Variants in LRRC8A observed in about 807,000 individuals in gnomAD.
The protein encoded by LRRC8A is volume-regulated anion channel subunit LRRC8A.
A neutral mutation model predicts 52.5 loss-of-function variants in LRRC8A; 24 were observed. The observed-to-expected ratio is 0.46, with a 90% CI of 0.33 to 0.64. The LOEUF is 0.64. Ranked by LOEUF, LRRC8A falls within the 30% of genes least tolerant of loss-of-function variation. The probability of loss-of-function intolerance (pLI) is 0.02; values close to 1 mark genes in which losing one functional copy is unlikely to be tolerated. For missense variants in LRRC8A, 677 were observed against 1,094.7 expected, an observed-to-expected ratio of 0.62 and a Z score of 5.38; for synonymous variants, 492 against 494.2, an observed-to-expected ratio of 1.00 and a Z score of 0.06.
At chr9:128,906,316 A>AT (rs71383620) in intron 2 of LRRC8A, among the ~76,000 whole-genome samples, 64,149 of 80,746 alleles carry the variant, frequency 0.79, 25,363 homozygotes, top group South Asian at 0.86. Context: ...CCCATGTGGA[A>AT]TTTTTTTTTT....
In LRRC8A at chr9:128,918,006, C is replaced by T. The variant is rs1054178545; in HGVS notation, c.*1635C>T. ...ACATGTGGGTCTGAACTTGTAGACT[C>T]GGTCACAGTATCAAATAAAATCTAT... On this transcript the variant is annotated 3_prime_UTR_variant, in exon 4 of 4. Coordinates refer to ENST00000372600, the MANE Select transcript of LRRC8A (RefSeq NM_019594.4). 1.3e-5 allele frequency: 2 copies of T among 152,584 alleles called. No individual in the cohort carries two copies. Among genetic ancestry groups the T allele is most frequent in the Non-Finnish European group, 2.9e-5 (2 of 68,034 alleles). 9.5% of individuals were successfully genotyped at this position (152,584 alleles called of 1,614,324 possible).
Position 128,916,073 on chromosome 9 carries a change from C to G in LRRC8A, c.2158-23C>G, listed in dbSNP as rs552348824. 7.6e-6 allele frequency: 12 copies of G among 1,583,476 alleles called. No individual in the cohort carries two copies. Among genetic ancestry groups the G allele is most frequent in the African/African-American group, 1.3e-5 (1 of 74,624 alleles). ...TCCAAGCCCACACCCACCTCACTCT[C>G]ACCCCTGCTTTTTTCCCTCCAGATC... On this transcript the variant is annotated intron_variant, in intron 3 of 3. Coordinates refer to ENST00000372600, the MANE Select transcript of LRRC8A (RefSeq NM_019594.4). The surrounding 1 kb of genome is among the most constrained non-coding windows in gnomAD (Gnocchi z 6.1).
chr9:128,883,016 A>G, intron 1 of LRRC8A: 1 of 371,136 alleles, frequency 2.7e-6, no homozygotes, highest in South Asian at 1.5e-4. Flanking sequence ...CTTCCCCTTG[A>G]TCTGGACCGG....
At position 128,908,414 on chromosome 9, in the gene LRRC8A, G is replaced by A. The variant is rs746556593; in HGVS notation, c.1250G>A (p.Arg417Gln). 4.7e-5 allele frequency: 76 copies of A among 1,613,434 alleles called. No homozygotes were observed. Among genetic ancestry groups the A allele is most frequent in the East Asian group, 8.9e-5 (4 of 44,892 alleles). ...LNNEWTLDKL[R>Q]QRLTKNAQDK... The stretch of plus-strand genomic sequence containing the variant: ...AACGAGTGGACGCTGGACAAGCTCC[G>A]GCAGCGGCTCACCAAGAACGCGCAG... The change falls in exon 3 of 4, where the codon CGG becomes CAG. Residue 417 changes from arginine to glutamine, a missense_variant. Physicochemically the swap from Arg to Gln is conservative, Grantham distance 43 (BLOSUM62 1). Around this residue, in one of 4 missense-constraint regions of LRRC8A, gnomAD observed 422 missense variants for 741.5 expected, o/e 0.57. Coordinates refer to ENST00000372600, the MANE Select transcript of LRRC8A (RefSeq NM_019594.4).
rs1303702932 is a variant in LRRC8A at position 128,907,091 on chromosome 9, C to G, written c.-8-66C>G. On this transcript the variant is annotated intron_variant, in intron 2 of 3. Coordinates refer to ENST00000372600, the MANE Select transcript of LRRC8A (RefSeq NM_019594.4). The surrounding 1 kb of genome is among the most constrained non-coding windows in gnomAD (Gnocchi z 9.3). The stretch of plus-strand genomic sequence containing the variant: ...GAAGAATTTTCATTGTCTTCTTCCC[C>G]TGACCCCTGGTCCTAGGAAAGCCAG... The G allele has an allele frequency of 2.3e-6, 3 of 1,280,720 alleles. No individual in the cohort carries two copies. In the African/African-American group the frequency reaches 4.4e-5, roughly 19 times the overall value. 79.3% of individuals were successfully genotyped at this position (1,280,720 alleles called of 1,614,324 possible).
In LRRC8A at chr9:128,899,155, T is replaced by G. The variant is rs963059174; in HGVS notation, c.-8-8002T>G. On this transcript the variant is annotated intron_variant, in intron 2 of 3. Coordinates refer to ENST00000372600, the MANE Select transcript of LRRC8A (RefSeq NM_019594.4). This position sits in a 1 kb window ranked among gnomAD's most constrained non-coding sequence, Gnocchi z 4.0. ...ATTTTTTACACAACATGGACACATG[T>G]TTAACAGGTTTGCTGCTCCTTTCTA... Among the ~76,000 whole-genome samples the G allele has an allele frequency of 6.6e-6, 1 of 152,108 alleles. No homozygotes were observed. The highest frequency in any genetic ancestry group is 1.5e-5 in the Non-Finnish European group (1 of 68,010).
At chr9:128,895,228 A>C (rs1158567043) in intron 2 of LRRC8A, among the ~76,000 whole-genome samples, 4 of 152,118 alleles carry the variant, frequency 2.6e-5, no homozygotes, top group Non-Finnish European at 5.9e-5. Flanking sequence ...CCTGATTTAA[A>C]GTTGTAGAAG....
intron 2 of LRRC8A, among the ~76,000 whole-genome samples, chr9:128,906,377 C>T (rs7028649): frequency 0.017 from 2,095 of 125,274 alleles, 41 homozygotes; most frequent in African/African-American, 0.054. Flanking sequence ...GGCTGGAGTG[C>T]AATGGCACAA....
chr9:128,890,993 A>T (rs1588200211), intron 2 of LRRC8A, among the ~76,000 whole-genome samples: 1 of 150,406 alleles, frequency 6.6e-6, no homozygotes, highest in East Asian at 2.0e-4. Flanking sequence ...CAAAAATAAA[A>T]AAAAAATTAG....
At chr9:128,903,474 G>A (rs1464545790) in intron 2 of LRRC8A, among the ~76,000 whole-genome samples, 4 of 149,942 alleles carry the variant, frequency 2.7e-5, no homozygotes, top group Middle Eastern at 3.4e-3. Flanking sequence ...GTGCAGTGGC[G>A]TGATCTCGGC....
chr9:128,915,519 G>T (rs1228212118), intron 3 of LRRC8A, among the ~76,000 whole-genome samples: 1 of 152,084 alleles, frequency 6.6e-6, no homozygotes, highest in Admixed American at 6.6e-5. Context: ...TAGAGACGGG[G>T]TTTCACCGTG....
chr9:128,911,068 G>A lies in LRRC8A; in HGVS notation c.2157+1747G>A, dbSNP rs961009050. The stretch of plus-strand genomic sequence containing the variant: ...ATAGCATCCTCAGGCACGGAGGGAG[G>A]TGGCCCCTGGAATGCCCGGTCTGTC... On this transcript the variant is annotated intron_variant, in intron 3 of 3. Coordinates refer to ENST00000372600, the MANE Select transcript of LRRC8A (RefSeq NM_019594.4). The surrounding 1 kb of genome is among the most constrained non-coding windows in gnomAD (Gnocchi z 4.9). 4.1e-4 allele frequency among the ~76,000 whole-genome samples: 62 copies of A among 152,238 alleles called. No homozygotes were observed. The highest frequency in any genetic ancestry group is 1.4e-3 in the African/African-American group (58 of 41,526).
chr9:128,915,023 T>C (rs1840746311), intron 3 of LRRC8A, among the ~76,000 whole-genome samples: 1 of 152,234 alleles, frequency 6.6e-6, no homozygotes, highest in Admixed American at 6.5e-5. Context: ...TCAGCGTCTT[T>C]GGGCCTCAGT....
intron 2 of LRRC8A, among the ~76,000 whole-genome samples, chr9:128,904,997 CAAAAAAAAAAAA>C (rs770042979): frequency 6.7e-5 from 2 of 29,846 alleles, no homozygotes; most frequent in South Asian, 1.0e-3. Context: ...GACTCCGTCT[CAAAAAAAAAAAA>C]AAAAAAAAAA....
intron 3 of LRRC8A, among the ~76,000 whole-genome samples, chr9:128,913,531 G>C (rs942074740): frequency 6.6e-6 from 1 of 152,060 alleles, no homozygotes; most frequent in Non-Finnish European, 1.5e-5. Flanking sequence ...TGGGAGCCGA[G>C]CAACTGAGAG....
rs1270271844 is a variant in LRRC8A, at chr9:128,907,787, C to T, written c.623C>T (p.Thr208Ile). Reference protein sequence around the residue: ...SSTVSEDVEATVPMLQRTKSR... With the variant: ...SSTVSEDVEAIVPMLQRTKSR... ...ACCGTCAGTGAGGACGTGGAGGCCA[C>T]CGTGCCCATGCTGCAGCGGACCAAG... Residue 208 changes from threonine (T) to isoleucine (I), a missense_variant, in exon 3 of 4, where the codon ACC (threonine) becomes ATC (isoleucine). By Grantham distance (89) the Thr-to-Ile change is moderately conservative (BLOSUM62 -1). Around this residue, in one of 4 missense-constraint regions of LRRC8A, gnomAD observed 422 missense variants for 741.5 expected, o/e 0.57. Coordinates refer to ENST00000372600, the MANE Select transcript of LRRC8A (RefSeq NM_019594.4). This position sits in a 1 kb window ranked among gnomAD's most constrained non-coding sequence, Gnocchi z 9.3. The T allele has an allele frequency of 6.2e-7, 1 of 1,613,984 alleles. No homozygotes were observed. The highest frequency in any genetic ancestry group is 2.2e-5 in the East Asian group (1 of 44,882).
intron 2 of LRRC8A, among the ~76,000 whole-genome samples, chr9:128,890,652 G>T (rs1216425935): frequency 6.6e-6 from 1 of 152,156 alleles, no homozygotes; most frequent in Non-Finnish European, 1.5e-5. Flanking sequence ...CTCACCCTCT[G>T]TCAGACCCCC....
chr9:128,901,121 C>G (rs1174720179), intron 2 of LRRC8A, among the ~76,000 whole-genome samples: 1 of 152,070 alleles, frequency 6.6e-6, no homozygotes. Context: ...TGCATTGAGC[C>G]GAGATCGTGC....
chr9:128,890,867 T>C (rs909081842), intron 2 of LRRC8A, among the ~76,000 whole-genome samples: 5 of 152,176 alleles, frequency 3.3e-5, no homozygotes, highest in Admixed American at 3.3e-4. Context: ...CCAACAAACG[T>C]TGGCTGGACG....
Sources: gnomAD v4.1 joint callset for allele counts (sites outside exome capture counted in the v4.1 genomes callset) on GRCh38, gnomAD v4.1.1 for gene constraint, gnomAD v4.1.1 regional missense constraint, Gnocchi (gnomAD v3.1) non-coding constraint, MANE v1.5 for transcripts, NCBI Gene and HGNC (gene_info 2026-07-23, HGNC 2026-07-21) for gene names.